The following AIM2 variants were observed in gnomAD, a reference collection of about 807,000 sequenced individuals.
AIM2 encodes absent in melanoma 2.
AIM2 carries 30 observed loss-of-function variants against 27.7 expected under a neutral mutation model. That is an observed-to-expected ratio of 1.08 (90% CI 0.81 to 1.47). The LOEUF (loss-of-function observed/expected upper bound fraction) is 1.47, where lower values mean the gene tolerates loss of function less well. Ranked by LOEUF, AIM2 falls within the 40% of genes most tolerant of loss-of-function variation. The pLI, the probability that AIM2 is intolerant of heterozygous loss-of-function variation, is 0.00. For missense variants in AIM2, 358 were observed against 411.3 expected (o/e 0.87, Z 1.12); for synonymous variants, 141 against 145.3 (o/e 0.97, Z 0.21).
At chr1:159,100,896 G>C (rs1159137883) in intron 1 of AIM2, among the ~76,000 whole-genome samples, 1 of 152,160 alleles carries the variant, frequency 6.6e-6, no homozygotes, top group Non-Finnish European at 1.5e-5. Context: ...CACTGAGGAT[G>C]GATGAAATTT....
At chr1:159,084,741 C>T (rs1257290977) in intron 1 of AIM2, among the ~76,000 whole-genome samples, 2 of 149,802 alleles carry the variant, frequency 1.3e-5, no homozygotes, top group African/African-American at 2.4e-5. Flanking sequence ...AACCACTGCA[C>T]TCCAGCCTGA....
chr1:159,132,514 C>G (rs572312682), intron 1 of AIM2, among the ~76,000 whole-genome samples: 2 of 152,290 alleles, frequency 1.3e-5, no homozygotes, highest in African/African-American at 4.8e-5. Context: ...TGAAAAAGAA[C>G]GGACTCAGAC....
intron 5 of AIM2, 72 bp from the exon 6 acceptor site, chr1:159,062,790 A>G (rs1263688047): frequency 2.2e-6 from 3 of 1,385,522 alleles, no homozygotes; most frequent in East Asian, 4.6e-5. Flanking sequence ...TGCAGTCACT[A>G]TGGCCTTCTG....
chr1:159,067,944 G>A (rs1656179751), intron 3 of AIM2, among the ~76,000 whole-genome samples: 2 of 151,984 alleles, frequency 1.3e-5, no homozygotes, highest in East Asian at 1.9e-4. Flanking sequence ...GCTAAATGGG[G>A]CCACCTCACC....
intron 4 of AIM2, among the ~76,000 whole-genome samples, chr1:159,065,100 C>T (rs1370753852): frequency 2.0e-5 from 3 of 152,150 alleles, no homozygotes. Flanking sequence ...TAACCCAGGG[C>T]AGCAGAGGTT....
At chr1:159,096,099 G>A (rs963730957) in intron 1 of AIM2, among the ~76,000 whole-genome samples, 1 of 152,162 alleles carries the variant, frequency 6.6e-6, no homozygotes, top group Admixed American at 6.5e-5. Context: ...AGAGACAAGG[G>A]TGCTGGTTCC....
At chr1:159,143,788 T>C (rs1239150010), upstream of AIM2, among the ~76,000 whole-genome samples, 2 of 152,212 alleles carry the variant, frequency 1.3e-5, no homozygotes, top group African/African-American at 4.8e-5. Context: ...ATTCATTATC[T>C]GTAATGTTCC....
chr1:159,065,703 T>C (rs1447996294), intron 4 of AIM2, among the ~76,000 whole-genome samples: 2 of 152,218 alleles, frequency 1.3e-5, no homozygotes, highest in African/African-American at 2.4e-5. Flanking sequence ...TAAGTTGAAA[T>C]AGGATCGTGA....
In AIM2 at chr1:159,085,605, G is replaced by A. The variant is rs374163506; in HGVS notation, c.-15-19276C>T. Reference sequence around the variant, plus strand: ...AGACGAAAGGTCAGAACTCCAGACAGTAACGTGGGCAGCATCCAAATACAG... The same window carrying A: ...AGACGAAAGGTCAGAACTCCAGACAATAACGTGGGCAGCATCCAAATACAG... On this transcript the variant is annotated intron_variant, in intron 1 of 2. Coordinates refer to the AIM2 transcript ENST00000368129. Among the ~76,000 whole-genome samples the A allele has an allele frequency of 5.9e-5, 9 of 152,356 alleles. No homozygotes were observed. In the East Asian group the frequency reaches 1.7e-3, roughly 29 times the overall value.
At chr1:159,139,704 G>A (rs1025793633) in intron 1 of AIM2, among the ~76,000 whole-genome samples, 1 of 152,122 alleles carries the variant, frequency 6.6e-6, no homozygotes, top group African/African-American at 2.4e-5. Flanking sequence ...ATAAAGAGCT[G>A]GCTCTATCAA....
chr1:159,135,931 C>A (rs2102054472), intron 1 of AIM2, among the ~76,000 whole-genome samples: 1 of 152,300 alleles, frequency 6.6e-6, no homozygotes, highest in African/African-American at 2.4e-5. Context: ...TAGACACCAA[C>A]CTGCCTTCTC....
chr1:159,063,791 AC>A, intron 4 of AIM2, 117 bp from the exon 5 acceptor site: 1 of 1,124,056 alleles, frequency 8.9e-7, no homozygotes, highest in Non-Finnish European at 1.3e-6. Flanking sequence ...TTCTTGAACA[AC>A]ACAGATTTTA....
chr1:159,118,355 TA>T (rs1228320694), intron 1 of AIM2, among the ~76,000 whole-genome samples: 2 of 152,222 alleles, frequency 1.3e-5, no homozygotes, highest in Non-Finnish European at 2.9e-5. Context: ...CAGCATTGTT[TA>T]ACACATACCT....
chr1:159,102,118 G>A lies in AIM2; in HGVS notation c.-15-35789C>T, dbSNP rs59635124. On this transcript the variant is annotated intron_variant, in intron 1 of 2. Transcript: ENST00000368129. ...GTGCCCCCTGCTCTATGCAGCCTTC[G>A]GAAATGGTGCACTGCATCCCAGCTG... Among the ~76,000 whole-genome samples the A allele has an allele frequency of 9.3e-3, 1,422 of 152,242 alleles. 30 individuals carry two copies. Among genetic ancestry groups the A allele is most frequent in the African/African-American group, 0.032 (1,326 of 41,536 alleles).
intron 1 of AIM2, among the ~76,000 whole-genome samples, chr1:159,076,317 A>AT (rs1656608336): frequency 1.3e-5 from 2 of 152,192 alleles, no homozygotes; most frequent in Admixed American, 1.3e-4. Context: ...AAAAACTTGC[A>AT]TTTTACTTCA....
At chr1:159,078,641 C>T (rs1227318313), upstream of AIM2, among the ~76,000 whole-genome samples, 1 of 152,164 alleles carries the variant, frequency 6.6e-6, no homozygotes, top group East Asian at 1.9e-4. Flanking sequence ...GAGACAAGTA[C>T]TCATCGTCCA....
At chr1:159,084,173 T>C (rs1460751333) in intron 1 of AIM2, among the ~76,000 whole-genome samples, 1 of 152,174 alleles carries the variant, frequency 6.6e-6, no homozygotes, top group African/African-American at 2.4e-5. Flanking sequence ...ATCTGGTTAT[T>C]TTCTAAAATT....
chr1:159,063,746 A>T, intron 4 of AIM2, 72 bp from the exon 5 acceptor site: 1 of 1,432,982 alleles, frequency 7.0e-7, no homozygotes, highest in African/African-American at 1.4e-5. Context: ...CACATCAGAC[A>T]TGCCAGAAGA....
At chr1:159,062,448 G>T, downstream of AIM2, 1 of 549,582 alleles carries the variant, frequency 1.8e-6, no homozygotes, top group South Asian at 2.4e-5. Context: ...CTTGAGACAA[G>T]GGATTGACAA....
Sources: gnomAD v4.1 joint callset for allele counts (sites outside exome capture counted in the v4.1 genomes callset) on GRCh38, gnomAD v4.1.1 for gene constraint, MANE v1.5 for transcripts, NCBI Gene and HGNC (gene_info 2026-07-23, HGNC 2026-07-21) for gene names.